LRP2: variants seen among roughly 807,000 people sequenced by gnomAD.
The protein encoded by LRP2 is LDL receptor related protein 2, also known as low-density lipoprotein receptor-related protein 2.
LRP2 carries 172 observed loss-of-function variants against 531.0 expected under a neutral mutation model. The ratio of observed to expected loss-of-function variants is 0.32; its 90% confidence interval spans 0.29 to 0.37. The LOEUF is 0.37. Among genes scored for constraint, LRP2 ranks in the 10% least tolerant of loss-of-function variants. The pLI is 1.00. For missense variants in LRP2, 5,167 were observed against 5,868.3 expected, an observed-to-expected ratio of 0.88 and a Z score of 3.90; for synonymous variants, 1,992 against 2,027.6, an observed-to-expected ratio of 0.98 and a Z score of 0.47.
chr2:169,201,654 T>G lies in LRP2; in HGVS notation c.8426A>C (p.Asn2809Thr). The G allele has an allele frequency of 6.2e-7, 1 of 1,614,230 alleles. No individual in the cohort carries two copies. Among genetic ancestry groups the G allele is most frequent in the Non-Finnish European group, 8.5e-7 (1 of 1,180,030 alleles). ...ICNGVDNCHD[N>T]NTSDEKNCPD... Reference sequence around the variant, plus strand: ...GCAATTTTTCTCATCTGAAGTGTTATTATCATGGCAGTTGTCTACACCATT... The same window carrying G: ...GCAATTTTTCTCATCTGAAGTGTTAGTATCATGGCAGTTGTCTACACCATT... Residue 2809 changes from asparagine to threonine, a missense_variant, in exon 44 of 79, where the codon AAT becomes ACT. Around this residue, in one of 6 missense-constraint regions of LRP2, gnomAD observed 1,129 missense variants for 1,362.7 expected, o/e 0.83. Transcript: ENST00000649046.
chr2:169,215,940 A>C (rs1182037188), intron 35 of LRP2, among the ~76,000 whole-genome samples: 2 of 151,880 alleles, frequency 1.3e-5, no homozygotes, highest in African/African-American at 4.8e-5. Flanking sequence ...CTAAACCATG[A>C]AAGAAATGGC....
rs778738509 is a variant in LRP2 at position 169,220,548 on chromosome 2, C to T, written c.5554G>A (p.Gly1852Arg). 13 of 1,611,338 alleles carry T rather than the reference C, an allele frequency of 8.1e-6. No individual in the cohort carries two copies. The highest frequency in any genetic ancestry group is 6.6e-5 in the South Asian group (6 of 90,902). ...AATGTTTTTCTGTATCTGATATCTCCGTGGAGTGTCAAAACCTATAGCATA... is the reference window on the plus strand; with the variant it reads ...AATGTTTTTCTGTATCTGATATCTCTGTGGAGTGTCAAAACCTATAGCATA... Reference protein sequence around the residue: ...TQSIEVLTLHGDIRYRKTLIA... With the variant: ...TQSIEVLTLHRDIRYRKTLIA... The change falls in exon 34 of 79, where the codon GGA (glycine) becomes AGA (arginine). Residue 1852 changes from glycine to arginine, a missense_variant. Gly to Arg is a moderately radical substitution (Grantham distance 125). This residue lies in a region of LRP2 where 2,811 missense variants were observed against 3,058.0 expected (regional missense o/e 0.92). Coordinates refer to ENST00000649046, the MANE Select transcript of LRP2 (RefSeq NM_004525.3).
In LRP2 at chr2:169,226,525, T is replaced by C. The variant is rs148176970; in HGVS notation, c.5291A>G (p.Glu1764Gly). The C allele has an allele frequency of 6.2e-6, 10 of 1,613,098 alleles. No individual in the cohort carries two copies. The African/African-American group carries it at 1.3e-4, about 22-fold the overall frequency. ...HIIFGISLNP[E>G]VKSNDAMVPI... ...GACCATAGCATCATTGCTCTTCACC[T>C]CAGGATTAAGGGAGATTCCAAAAAT... The change falls in exon 32 of 79, where the codon GAG becomes GGG. Residue 1764 changes from glutamate to glycine, a missense_variant. By Grantham distance (98) the Glu-to-Gly change is moderately conservative (BLOSUM62 -2). Coordinates refer to ENST00000649046, the MANE Select transcript of LRP2 (RefSeq NM_004525.3).
chr2:169,186,359 C>A (rs1057478425), intron 49 of LRP2, among the ~76,000 whole-genome samples: 1 of 152,078 alleles, frequency 6.6e-6, no homozygotes, highest in Non-Finnish European at 1.5e-5. Context: ...CTGTTCACAC[C>A]ATGGTCAAGC....
intron 27 of LRP2, 73 bp from the exon 28 acceptor site, chr2:169,237,360 A>G: frequency 8.2e-7 from 1 of 1,216,958 alleles, no homozygotes; most frequent in Non-Finnish European, 1.2e-6. Context: ...TTATATAAAA[A>G]TCTAGATTAA....
chr2:169,187,225 T>G (rs1236766315), intron 49 of LRP2, among the ~76,000 whole-genome samples: 1 of 152,176 alleles, frequency 6.6e-6, no homozygotes. Context: ...GCAGTTTCTG[T>G]CTAGCATTTA....
At chr2:169,281,943 G>A (rs1391105352) in intron 10 of LRP2, among the ~76,000 whole-genome samples, 8 of 151,820 alleles carry the variant, frequency 5.3e-5, no homozygotes, top group African/African-American at 7.3e-5. Context: ...ATAAAGAAAC[G>A]GCAATTACTC....
At chr2:169,269,059 C>A (rs1683319801) in intron 16 of LRP2, among the ~76,000 whole-genome samples, 1 of 152,048 alleles carries the variant, frequency 6.6e-6, no homozygotes, top group African/African-American at 2.4e-5. Flanking sequence ...ATGTGAAGGA[C>A]CTCTTCAAGG....
Position 169,348,831 on chromosome 2 carries a change from G to C in LRP2, c.79+13490C>G, listed in dbSNP as rs759605398. On this transcript the variant is annotated intron_variant, in intron 1 of 78. Transcript: ENST00000649046. ...TGGGAGGCACTGGGGTGGAGAAAAG[G>C]GGGGAGTCAGATCGAGAGAAACAGC... 5.3e-5 allele frequency among the ~76,000 whole-genome samples: 8 copies of C among 152,142 alleles called. No homozygotes were observed. In the East Asian group the frequency reaches 5.8e-4, roughly 11 times the overall value.
intron 43 of LRP2, 37 bp downstream of exon 43, chr2:169,202,718 CA>C: frequency 6.3e-7 from 1 of 1,598,322 alleles, no homozygotes; most frequent in Non-Finnish European, 8.6e-7. Flanking sequence ...ATCAAGATGC[CA>C]TTAGCTCCTA....
chr2:169,129,252 G>T (rs1440777947), intron 77 of LRP2, among the ~76,000 whole-genome samples, 168 bp from the exon 78 acceptor site: 1 of 152,144 alleles, frequency 6.6e-6, no homozygotes, highest in Non-Finnish European at 1.5e-5. Flanking sequence ...TCCTCCTATG[G>T]TCCCTGAACA....
At chr2:169,270,207 A>G (rs1490836551) in intron 16 of LRP2, among the ~76,000 whole-genome samples, 1 of 152,222 alleles carries the variant, frequency 6.6e-6, no homozygotes, top group Non-Finnish European at 1.5e-5. Context: ...GAGATTCCTC[A>G]GGGATCTAGA....
At chr2:169,357,581 C>T (rs543415830) in intron 1 of LRP2, among the ~76,000 whole-genome samples, 1 of 152,148 alleles carries the variant, frequency 6.6e-6, no homozygotes, top group Admixed American at 6.5e-5. Flanking sequence ...CCTCCCGCCT[C>T]AGCATCCCAA....
rs2105394943 is a variant in LRP2, at chr2:169,247,454, A to G, written c.2832T>C (p.Gly944=). The change falls in exon 20 of 79, where the codon GGT becomes GGC. Residue 944 remains glycine, a synonymous_variant. Coordinates refer to ENST00000649046, the MANE Select transcript of LRP2 (RefSeq NM_004525.3). ...CACTTCGGATAACTGTCATTTCTCC[A>G]CCATCTGCTTTCCTGACTCGAATAA... is the stretch of plus-strand genomic sequence containing the variant. The part of the protein sequence containing the change: ...GAIIRVRKAD[G]GEMTVIRSGI... 4 of 1,614,154 alleles carry G rather than the reference A, an allele frequency of 2.5e-6. No individual in the cohort carries two copies. Among genetic ancestry groups the G allele is most frequent in the Non-Finnish European group, 3.4e-6 (4 of 1,179,992 alleles).
At chr2:169,290,472 T>A (rs1407568909) in intron 8 of LRP2, among the ~76,000 whole-genome samples, 1 of 152,104 alleles carries the variant, frequency 6.6e-6, no homozygotes, top group African/African-American at 2.4e-5. Context: ...TGGAGTCTAT[T>A]TCTTCCATCC....
chr2:169,226,317 G>A, intron 32 of LRP2, 105 bp downstream of exon 32: 1 of 897,064 alleles, frequency 1.1e-6, no homozygotes, highest in South Asian at 1.5e-5. Flanking sequence ...TTTCCACATT[G>A]TTTCCCTTTT....
intron 1 of LRP2, among the ~76,000 whole-genome samples, chr2:169,357,288 A>ATTTTT (rs869177963): frequency 1.5e-5 from 2 of 130,242 alleles, no homozygotes; most frequent in African/African-American, 5.6e-5. Flanking sequence ...TTTTTTATTT[A>ATTTTT]TTTTTATTTT....
chr2:169,205,426 A>T, intron 41 of LRP2, 53 bp downstream of exon 41: 3 of 1,595,814 alleles, frequency 1.9e-6, no homozygotes. Flanking sequence ...CTTCTTTGGA[A>T]ATGGAAGAAA....
intron 1 of LRP2, among the ~76,000 whole-genome samples, chr2:169,347,869 T>C (rs959901532): frequency 6.6e-6 from 1 of 152,162 alleles, no homozygotes; most frequent in Non-Finnish European, 1.5e-5. Flanking sequence ...CAAAAAAATG[T>C]CCAAAAGTTG....
Sources: gnomAD v4.1 joint callset for allele counts (sites outside exome capture counted in the v4.1 genomes callset) on GRCh38, gnomAD v4.1.1 for gene constraint, gnomAD v4.1.1 regional missense constraint, MANE v1.5 for transcripts, NCBI Gene and HGNC (gene_info 2026-07-23, HGNC 2026-07-21) for gene names.